Variants in RMST observed in about 807,000 individuals in gnomAD.
RMST encodes the protein rhabdomyosarcoma 2 associated transcript.
At chr12:97,490,115 T>A (rs892445276) in intron 5 of RMST, among the ~76,000 whole-genome samples, 1 of 152,132 alleles carries the variant, frequency 6.6e-6, no homozygotes, top group African/African-American at 2.4e-5. Context: ...GTAAAGGAAA[T>A]CCTGAATGAG....
chr12:97,471,839 T>G (rs572051032), intron 5 of RMST, among the ~76,000 whole-genome samples: 1 of 152,074 alleles, frequency 6.6e-6, no homozygotes, highest in Non-Finnish European at 1.5e-5. Context: ...TCGCCATCAG[T>G]TGAGTTGGTT....
At chr12:97,474,661 AG>A (rs1213356238) in intron 5 of RMST, among the ~76,000 whole-genome samples, 1 of 151,460 alleles carries the variant, frequency 6.6e-6, no homozygotes, top group Non-Finnish European at 1.5e-5. Context: ...AGAAGGACAA[AG>A]GATTATATAT....
At chr12:97,469,031 G>A (rs1873550748) in intron 5 of RMST, among the ~76,000 whole-genome samples, 1 of 151,528 alleles carries the variant, frequency 6.6e-6, no homozygotes. Context: ...AATTATTTTG[G>A]AGCATATATT....
At chr12:97,477,440 G>A (rs536363678) in intron 5 of RMST, among the ~76,000 whole-genome samples, 1 of 152,218 alleles carries the variant, frequency 6.6e-6, no homozygotes, top group South Asian at 2.1e-4. Context: ...AACAGATCCA[G>A]GACTGAAACT....
chr12:97,521,173 A>ATATTCTAATC (rs1401128786), intron 10 of RMST, among the ~76,000 whole-genome samples: 1 of 152,136 alleles, frequency 6.6e-6, no homozygotes, highest in Non-Finnish European at 1.5e-5. Context: ...GTGACCTTTG[A>ATATTCTAATC]TATTCTAATC....
At chr12:97,556,294 A>G (rs1195327524) in intron 11 of RMST, among the ~76,000 whole-genome samples, 2 of 152,164 alleles carry the variant, frequency 1.3e-5, no homozygotes, top group Non-Finnish European at 2.9e-5. Context: ...TGTTAAATTA[A>G]TTTTGCTTTT....
At chr12:97,472,911 T>A (rs961289059) in intron 5 of RMST, among the ~76,000 whole-genome samples, 2 of 152,124 alleles carry the variant, frequency 1.3e-5, no homozygotes, top group Admixed American at 1.3e-4. Context: ...TTCTTAATTA[T>A]CTCATCTGAA....
At chr12:97,493,364 A>G (rs1166994746) in intron 7 of RMST, 1 of 152,642 alleles carries the variant, frequency 6.6e-6, no homozygotes, top group Admixed American at 6.5e-5. Context: ...TAGACAGGAA[A>G]TAAGTCTGAT....
intron 10 of RMST, among the ~76,000 whole-genome samples, chr12:97,523,249 A>C (rs1052577454): frequency 2.0e-5 from 3 of 152,234 alleles, no homozygotes; most frequent in African/African-American, 7.2e-5. Flanking sequence ...GGAAATAATA[A>C]TTATCGCTCT....
intron 5 of RMST, among the ~76,000 whole-genome samples, chr12:97,476,628 T>C (rs1216970762): frequency 1.3e-5 from 2 of 152,188 alleles, no homozygotes; most frequent in Non-Finnish European, 2.9e-5. Context: ...GTTTCCAAAA[T>C]GATTTGTTCA....
chr12:97,481,976 G>A (rs1047747703), intron 5 of RMST, among the ~76,000 whole-genome samples: 8 of 152,148 alleles, frequency 5.3e-5, no homozygotes, highest in African/African-American at 1.4e-4. Flanking sequence ...AACATTGTTT[G>A]TAAAGCCATT....
chr12:97,490,710 C>A (rs1876695645), intron 5 of RMST, among the ~76,000 whole-genome samples: 1 of 152,134 alleles, frequency 6.6e-6, no homozygotes, highest in African/African-American at 2.4e-5. Flanking sequence ...TTCAACTTAT[C>A]TTGGATGAAC....
At chr12:97,476,809 G>A (rs1399618720) in intron 5 of RMST, among the ~76,000 whole-genome samples, 8 of 152,002 alleles carry the variant, frequency 5.3e-5, no homozygotes, top group Admixed American at 5.2e-4. Context: ...AAGAGATATA[G>A]ATATAATAAA....
At chr12:97,492,273 A>G (rs1024527115) in intron 5 of RMST, among the ~76,000 whole-genome samples, 1 of 152,222 alleles carries the variant, frequency 6.6e-6, no homozygotes, top group Non-Finnish European at 1.5e-5. Context: ...AGATCTTAAC[A>G]CTAAACCTGC....
intron 10 of RMST, among the ~76,000 whole-genome samples, chr12:97,502,885 T>C (rs1878243339): frequency 1.3e-5 from 2 of 152,326 alleles, no homozygotes; most frequent in South Asian, 4.1e-4. Flanking sequence ...TAGTAAACAC[T>C]TATATTGATA....
chr12:97,563,542 AT>A (rs1167003817), intron 13 of RMST: 2 of 313,592 alleles, frequency 6.4e-6, no homozygotes, highest in Non-Finnish European at 1.2e-5. Context: ...AGTGATGAGC[AT>A]TTCTCCAGGA....
intron 10 of RMST, among the ~76,000 whole-genome samples, chr12:97,503,153 CTT>C (rs1437522190): frequency 2.6e-5 from 4 of 152,164 alleles, no homozygotes; most frequent in Admixed American, 1.3e-4. Flanking sequence ...GTTTCAAAAA[CTT>C]AGCATCTGTT....
chr12:97,485,274 GT>G (rs1875952984), intron 5 of RMST, among the ~76,000 whole-genome samples: 1 of 152,114 alleles, frequency 6.6e-6, no homozygotes, highest in East Asian at 1.9e-4. Flanking sequence ...TGACCCTTAG[GT>G]ACAATAAGAC....
chr12:97,465,405 C>G (rs563225148), intron 4 of RMST, among the ~76,000 whole-genome samples: 9 of 152,192 alleles, frequency 5.9e-5, no homozygotes, highest in African/African-American at 1.9e-4. Flanking sequence ...AGAAAGGAGC[C>G]TTGGTGATTA....
Sources: allele counts gnomAD v4.1 joint callset (sites outside exome capture counted in the v4.1 genomes callset), GRCh38; gene constraint gnomAD v4.1.1; transcripts MANE v1.5; gene names NCBI Gene and HGNC (gene_info 2026-07-23, HGNC 2026-07-21).